The following ZNF248 variants were observed in gnomAD, a reference collection of about 807,000 sequenced individuals.
The protein encoded by ZNF248 is zinc finger protein 248, also known as KRAB protein domain.
In ZNF248, 20 loss-of-function variants were observed where a neutral mutation model predicts 44.3. The observed-to-expected ratio is 0.45, with a 90% CI of 0.32 to 0.66. ZNF248 has a LOEUF of 0.66. Ranked by LOEUF, ZNF248 falls within the 30% of genes least tolerant of loss-of-function variation. The probability of loss-of-function intolerance (pLI) is 0.04; values close to 1 mark genes in which losing one functional copy is unlikely to be tolerated. For synonymous variants in ZNF248, 224 were observed against 229.0 expected (o/e 0.98, Z 0.20); for missense variants, 654 against 677.0 (o/e 0.97, Z 0.38).
chr10:37,780,117 T>A (rs879316022), intron 6 of ZNF248, among the ~76,000 whole-genome samples: 3 of 149,838 alleles, frequency 2.0e-5, no homozygotes, highest in South Asian at 2.1e-4. Context: ...TTCAATGCCA[T>A]CCCCATCAAG....
downstream of ZNF248, among the ~76,000 whole-genome samples, chr10:37,825,795 A>G (rs1260281409): frequency 6.6e-6 from 1 of 151,750 alleles, no homozygotes; most frequent in Admixed American, 6.6e-5. Context: ...TCCTGGAGTC[A>G]GTTTCATTAG....
At position 37,829,848 on chromosome 10, in the gene ZNF248, C is replaced by A. The variant is rs2055151225; in HGVS notation, c.*1767G>T. 2.0e-6 allele frequency: 2 copies of A among 985,316 alleles called. No homozygotes were observed. The highest frequency in any genetic ancestry group is 2.4e-6 in the Non-Finnish European group (2 of 829,940). 61.0% of individuals were successfully genotyped at this position (985,316 alleles called of 1,614,324 possible). The stretch of plus-strand genomic sequence containing the variant: ...CTCATTGCTCCCAAGTTCACCCCAA[C>A]AGAATCATTAAAATGGAACTTCCAT... On this transcript the variant is annotated 3_prime_UTR_variant, in exon 6 of 6. Transcript: ENST00000395867.
At chr10:37,805,793 A>G (rs2050468661) in intron 6 of ZNF248, among the ~76,000 whole-genome samples, 1 of 152,180 alleles carries the variant, frequency 6.6e-6, no homozygotes, top group Admixed American at 6.5e-5. Flanking sequence ...TTGGGTGGTT[A>G]CCTACACAAT....
rs1433247853 is a variant in ZNF248 at position 37,832,642 on chromosome 10, C to T, written c.713G>A (p.Gly238Glu). 14 of 1,613,212 alleles carry T rather than the reference C, an allele frequency of 8.7e-6. No homozygotes were observed. Among genetic ancestry groups the T allele is most frequent in the Non-Finnish European group, 1.1e-5 (13 of 1,179,904 alleles). The change falls in exon 6 of 6, where the codon GGA (glycine) becomes GAA (glutamate). Residue 238 changes from glycine (G) to glutamate (E), a missense_variant. Coordinates refer to ENST00000395867, the MANE Select transcript of ZNF248 (RefSeq NM_021045.3). ...AFFTNKRSQI[G>E]ETVCKYNECG... is the part of the protein sequence containing the mutation. Reference sequence around the variant, plus strand: ...TTCGTTATATTTACAGACTGTCTCTCCTATCTGAGATCTCTTATTTGTAAA... The same window carrying T: ...TTCGTTATATTTACAGACTGTCTCTTCTATCTGAGATCTCTTATTTGTAAA...
chr10:37,822,422 A>C (rs1023599647), intron 6 of ZNF248, among the ~76,000 whole-genome samples: 5 of 152,190 alleles, frequency 3.3e-5, no homozygotes, highest in Admixed American at 6.5e-5. Flanking sequence ...AAATGAAAAA[A>C]AATTCAGAAA....
At chr10:37,777,950 G>A (rs1179628770) in intron 6 of ZNF248, among the ~76,000 whole-genome samples, 1 of 151,782 alleles carries the variant, frequency 6.6e-6, no homozygotes, top group Non-Finnish European at 1.5e-5. Flanking sequence ...GGACATTTGG[G>A]TTGGTTCCAA....
chr10:37,791,027 T>C lies in ZNF248; in HGVS notation c.331-14452A>G, dbSNP rs1258614051. On this transcript the variant is annotated intron_variant, in intron 6 of 6. Coordinates refer to the ZNF248 transcript ENST00000615949. ...AAATGGTCTATGTTTTTGTTTCTCT[T>C]ATACTTTGTTATTTCTTTTTTTTTT... is the stretch of plus-strand genomic sequence containing the variant. 4.8e-5 allele frequency among the ~76,000 whole-genome samples: 7 copies of C among 146,778 alleles called. No individual in the cohort carries two copies. The East Asian group carries it at 1.2e-3, about 25-fold the overall frequency.
chr10:37,825,043 G>A (rs1174869692), downstream of ZNF248, among the ~76,000 whole-genome samples: 2 of 151,752 alleles, frequency 1.3e-5, no homozygotes, highest in South Asian at 4.2e-4. Context: ...TATTCCCATA[G>A]ACAAATGTTA....
intron 6 of ZNF248, among the ~76,000 whole-genome samples, chr10:37,812,751 A>C (rs2051729734): frequency 6.6e-6 from 1 of 151,954 alleles, no homozygotes; most frequent in Non-Finnish European, 1.5e-5. Flanking sequence ...GGAGGGCATA[A>C]GGAACTTTAA....
At chr10:37,762,746 A>C in the ZNF248 span, among the ~76,000 whole-genome samples, 172 of 152,314 alleles carry the variant, frequency 1.1e-3, 1 homozygote, top group Middle Eastern at 0.014. Context: ...GTTACATACA[A>C]GTGAAGCTTG....
At chr10:37,763,064 G>A in the ZNF248 span, among the ~76,000 whole-genome samples, 1 of 152,152 alleles carries the variant, frequency 6.6e-6, no homozygotes, top group Admixed American at 6.6e-5. Flanking sequence ...AATGCTTATA[G>A]TAGGATACTT....
At chr10:37,788,464 T>C (rs2048143378) in intron 6 of ZNF248, among the ~76,000 whole-genome samples, 1 of 151,212 alleles carries the variant, frequency 6.6e-6, no homozygotes, top group Non-Finnish European at 1.5e-5. Context: ...CTACCAAGAA[T>C]ACAAAAATTA....
At chr10:37,843,403 G>C (rs866509908) in intron 3 of ZNF248, among the ~76,000 whole-genome samples, 1 of 141,952 alleles carries the variant, frequency 7.0e-6, no homozygotes, top group African/African-American at 2.6e-5. Flanking sequence ...CCAGCCTGGC[G>C]ACAGAGCAAG....
intron 6 of ZNF248, among the ~76,000 whole-genome samples, chr10:37,799,295 C>T (rs1455290473): frequency 1.3e-5 from 2 of 151,870 alleles, no homozygotes; most frequent in Non-Finnish European, 2.9e-5. Context: ...AAATGTGTAT[C>T]CAAAATTGGA....
chr10:37,853,771 G>A (rs528088762), intron 3 of ZNF248, among the ~76,000 whole-genome samples: 1 of 152,118 alleles, frequency 6.6e-6, no homozygotes, highest in Admixed American at 6.5e-5. Context: ...CCTTCAAAAT[G>A]AAGAAACACA....
At chr10:37,840,757 G>A (rs1455003389) in intron 3 of ZNF248, among the ~76,000 whole-genome samples, 2 of 151,996 alleles carry the variant, frequency 1.3e-5, no homozygotes, top group Non-Finnish European at 2.9e-5. Context: ...ACTCCAGCCT[G>A]GACAAGAGTG....
chr10:37,820,281 G>T (rs2053244373), intron 6 of ZNF248: 1 of 1,382,112 alleles, frequency 7.2e-7, no homozygotes. Flanking sequence ...TGTGTTGCCA[G>T]ATCTCATAGA....
At chr10:37,848,846 C>T (rs1462783253) in intron 3 of ZNF248, among the ~76,000 whole-genome samples, 1 of 152,096 alleles carries the variant, frequency 6.6e-6, no homozygotes, top group East Asian at 1.9e-4. Flanking sequence ...ATAGAGGACA[C>T]ACTTCTCAAC....
intron 6 of ZNF248, among the ~76,000 whole-genome samples, chr10:37,796,455 G>C (rs1023706402): frequency 6.6e-6 from 1 of 151,792 alleles, no homozygotes; most frequent in African/African-American, 2.4e-5. Flanking sequence ...CTGTCCTCAA[G>C]TGATCCACCC....
Sources: gnomAD v4.1 joint callset for allele counts (sites outside exome capture counted in the v4.1 genomes callset) on GRCh38, gnomAD v4.1.1 for gene constraint, MANE v1.5 for transcripts, NCBI Gene and HGNC (gene_info 2026-07-23, HGNC 2026-07-21) for gene names.